CSNK1G3: variants seen among roughly 807,000 people sequenced by gnomAD.
The protein encoded by CSNK1G3 is casein kinase I isoform gamma-3.
CSNK1G3 carries 23 observed loss-of-function variants against 64.3 expected under a neutral mutation model. That is an observed-to-expected ratio of 0.36 (90% CI 0.26 to 0.51). The LOEUF is 0.51. Ranked by LOEUF, CSNK1G3 falls within the 20% of genes least tolerant of loss-of-function variation. CSNK1G3 has a pLI of 0.96. For synonymous variants in CSNK1G3, 158 were observed against 162.2 expected, an observed-to-expected ratio of 0.97 and a Z score of 0.20; for missense variants, 357 against 510.5, an observed-to-expected ratio of 0.70 and a Z score of 2.90.
intron 1 of CSNK1G3, among the ~76,000 whole-genome samples, chr5:123,544,751 C>T (rs1782245310): frequency 6.6e-6 from 1 of 152,186 alleles, no homozygotes; most frequent in African/African-American, 2.4e-5. Flanking sequence ...TACCTAATTT[C>T]TGCATCTGAT....
At chr5:123,537,010 A>G (rs901931283) in intron 1 of CSNK1G3, among the ~76,000 whole-genome samples, 1 of 152,120 alleles carries the variant, frequency 6.6e-6, no homozygotes, top group Non-Finnish European at 1.5e-5. Context: ...AGTACAACCT[A>G]TATGGAAAAC....
chr5:123,590,361 T>C (rs766877416), intron 8 of CSNK1G3, 49 bp from the exon 9 acceptor site: 1 of 921,446 alleles, frequency 1.1e-6, no homozygotes, highest in South Asian at 2.9e-5. Context: ...ATTTTATTAC[T>C]GAGTATTAAA....
At chr5:123,530,751 A>G (rs1353879905) in intron 1 of CSNK1G3, among the ~76,000 whole-genome samples, 1 of 152,262 alleles carries the variant, frequency 6.6e-6, no homozygotes, top group Non-Finnish European at 1.5e-5. Context: ...AAAACTGTAA[A>G]GTGTTGTAGA....
intron 1 of CSNK1G3, among the ~76,000 whole-genome samples, chr5:123,513,437 G>T: frequency 6.6e-6 from 1 of 152,126 alleles, no homozygotes; most frequent in African/African-American, 2.4e-5. Context: ...GTGCCTGTGT[G>T]TGTGGGAGAC....
At chr5:123,604,696 A>G in intron 10 of CSNK1G3, 28 bp from the exon 12 acceptor site, 3 of 1,325,654 alleles carry the variant, frequency 2.3e-6, no homozygotes, top group Non-Finnish European at 2.1e-6. Context: ...GTACATATAC[A>G]TATATAAAAA....
intron 1 of CSNK1G3, among the ~76,000 whole-genome samples, chr5:123,522,987 C>G (rs1054406893): frequency 6.6e-6 from 1 of 151,984 alleles, no homozygotes; most frequent in Non-Finnish European, 1.5e-5. Flanking sequence ...AGTGATATCT[C>G]TAAAGTTATT....
chr5:123,518,567 G>C (rs1254909972), intron 1 of CSNK1G3, among the ~76,000 whole-genome samples: 2 of 152,148 alleles, frequency 1.3e-5, no homozygotes, highest in East Asian at 3.9e-4. Context: ...TGTGTCTCTG[G>C]AAAAGCAAAT....
chr5:123,613,674 G>T (rs1748936320), intron 12 of CSNK1G3, among the ~76,000 whole-genome samples: 1 of 151,884 alleles, frequency 6.6e-6, no homozygotes, highest in Admixed American at 6.6e-5. Flanking sequence ...GCCCAGCCAA[G>T]ATTTTTTTTC....
intron 1 of CSNK1G3, among the ~76,000 whole-genome samples, chr5:123,526,733 C>T (rs1404952072): frequency 2.0e-5 from 3 of 151,870 alleles, no homozygotes; most frequent in Admixed American, 6.6e-5. Context: ...TATATTGTAG[C>T]GAGTGTCAGT....
chr5:123,555,827 T>C (rs1784515164), intron 3 of CSNK1G3, among the ~76,000 whole-genome samples: 1 of 152,124 alleles, frequency 6.6e-6, no homozygotes, highest in Admixed American at 6.5e-5. Flanking sequence ...ATAAGTTATA[T>C]ATTTAATTTC....
chr5:123,579,312 AAAGT>A (rs1399947432), intron 6 of CSNK1G3, among the ~76,000 whole-genome samples: 2 of 151,470 alleles, frequency 1.3e-5, no homozygotes, highest in Non-Finnish European at 3.0e-5. Flanking sequence ...TTTTTTAAGA[AAAGT>A]AAGTTTCAAA....
intron 2 of CSNK1G3, among the ~76,000 whole-genome samples, chr5:123,547,519 G>A (rs759380749): frequency 6.6e-6 from 1 of 152,054 alleles, no homozygotes; most frequent in Non-Finnish European, 1.5e-5. Context: ...AGAAATATGA[G>A]AAACTGTATG....
At chr5:123,590,667 C>G (rs901519819) in intron 9 of CSNK1G3, 109 bp downstream of exon 9, 1 of 701,174 alleles carries the variant, frequency 1.4e-6, no homozygotes. Flanking sequence ...TTAAAGGATT[C>G]ATTTTATTGT....
intron 4 of CSNK1G3, among the ~76,000 whole-genome samples, chr5:123,571,178 T>C (rs552051793): frequency 6.6e-6 from 1 of 152,146 alleles, no homozygotes; most frequent in Non-Finnish European, 1.5e-5. Context: ...ACATACACAT[T>C]GGGGTGTATC....
chr5:123,599,036 T>G (rs1212073410), intron 10 of CSNK1G3, among the ~76,000 whole-genome samples: 1 of 152,142 alleles, frequency 6.6e-6, no homozygotes, highest in Non-Finnish European at 1.5e-5. Context: ...TCCCCAAAAT[T>G]AGGTTTTAAA....
At chr5:123,557,719 T>C (rs959258793) in intron 4 of CSNK1G3, among the ~76,000 whole-genome samples, 155 bp downstream of exon 4, 3 of 152,226 alleles carry the variant, frequency 2.0e-5, no homozygotes, top group Non-Finnish European at 4.4e-5. Flanking sequence ...ATCCCTTTTT[T>C]ATTTTATGAC....
At chr5:123,543,000 C>A (rs759781319) in intron 1 of CSNK1G3, among the ~76,000 whole-genome samples, 1 of 151,018 alleles carries the variant, frequency 6.6e-6, no homozygotes, top group Non-Finnish European at 1.5e-5. Context: ...AAAGTCGTAT[C>A]TTCTAATTCA....
chr5:123,592,825 AT>A, intron 10 of CSNK1G3, among the ~76,000 whole-genome samples: 1 of 151,988 alleles, frequency 6.6e-6, no homozygotes, highest in South Asian at 2.1e-4. Flanking sequence ...AAAGCATCTC[AT>A]ACATAAATTA....
At chr5:123,604,915 A>G in intron 11 of CSNK1G3, 85 bp downstream of exon 12, 2 of 1,099,932 alleles carry the variant, frequency 1.8e-6, no homozygotes, top group East Asian at 2.6e-5. Context: ...CAATTATTTC[A>G]GGAAATTTTT....
Sources: allele counts gnomAD v4.1 joint callset (sites outside exome capture counted in the v4.1 genomes callset), GRCh38; gene constraint gnomAD v4.1.1; transcripts MANE v1.5; gene names NCBI Gene and HGNC (gene_info 2026-07-23, HGNC 2026-07-21).